Variants in KSR1 observed in about 807,000 individuals in gnomAD.
The protein encoded by KSR1 is kinase suppressor of ras.
In KSR1, 35 loss-of-function variants were observed where a neutral mutation model predicts 92.9. The ratio of observed to expected loss-of-function variants is 0.38; its 90% CI spans 0.29 to 0.50. The LOEUF is 0.50. Among genes scored for constraint, KSR1 ranks in the 20% least tolerant of loss-of-function variants. KSR1 has a pLI of 0.94. For synonymous variants in KSR1, 467 were observed against 472.6 expected (o/e 0.99, Z 0.15); for missense variants, 972 against 1,158.5 (o/e 0.84, Z 2.34).
intron 1 of KSR1, among the ~76,000 whole-genome samples, chr17:27,535,215 A>G (rs928751215): frequency 2.0e-5 from 3 of 152,168 alleles, no homozygotes; most frequent in Non-Finnish European, 4.4e-5. Flanking sequence ...AGCCTTGGCC[A>G]TGTGCCTTTA....
intron 10 of KSR1, 48 bp from the exon 11 acceptor site, chr17:27,601,311 CT>C: frequency 6.5e-7 from 1 of 1,545,402 alleles, no homozygotes; most frequent in Non-Finnish European, 8.9e-7. Context: ...CTCCTCCCTC[CT>C]GCGTTGGCCG....
chr17:27,545,801 G>T (rs1297240686), intron 1 of KSR1, among the ~76,000 whole-genome samples: 1 of 152,230 alleles, frequency 6.6e-6, no homozygotes, highest in Admixed American at 6.5e-5. Flanking sequence ...GTGCCTCAAA[G>T]CTGAAAAGGG....
rs374050273 is a variant in KSR1, at chr17:27,621,207, G to A, written c.2642G>A (p.Arg881His). 9 of 398,528 alleles carry A rather than the reference G, an allele frequency of 2.3e-5. No individual in the cohort carries two copies. The highest frequency in any genetic ancestry group is 2.5e-4 in the South Asian group (2 of 7,858). The allele number at this position is 398,528 out of a possible 1,614,324, so 24.7% of individuals were successfully genotyped here. ...GGCACTCCCAGTCGCTGGAGGAGCC[G>A]CTACTATGGAAAAGGACGCTACGGC... ...FWKSADRWRS[R>H]YYGKGRYGHP... Residue 881 changes from arginine (R) to histidine (H), a missense_variant, in exon 20 of 21, where the codon CGC becomes CAC. Physicochemically the swap from Arg to His is conservative, Grantham distance 29. Coordinates refer to ENST00000644974, the MANE Select transcript of KSR1 (RefSeq NM_001394583.1).
Position 27,478,629 on chromosome 17 carries a change from A to G in KSR1, c.231+21755A>G, listed in dbSNP as rs540388188. On this transcript the variant is annotated intron_variant, in intron 1 of 20. Transcript: ENST00000644974. ...GGGTTCCCATCCTGTCTGTGGCTTC[A>G]GAGTCCAGACCTAATGCCACCGACC... 5.4e-4 allele frequency among the ~76,000 whole-genome samples: 82 copies of G among 152,162 alleles called. 1 individual carries two copies. Among genetic ancestry groups the G allele is most frequent in the African/African-American group, 1.9e-3 (77 of 41,496 alleles).
At chr17:27,620,122 C>T (rs2074183861) in intron 19 of KSR1, among the ~76,000 whole-genome samples, 1 of 152,176 alleles carries the variant, frequency 6.6e-6, no homozygotes, top group African/African-American at 2.4e-5. Context: ...TGATTCAGGC[C>T]AGGTAGAGGG....
rs1414064575 is a variant in KSR1 at position 27,603,871 on chromosome 17, A to T, written c.1548A>T (p.Glu516Asp). ...SAFAHAAPLPEAADGTRLDDQ... is the reference protein window; with the variant it reads ...SAFAHAAPLPDAADGTRLDDQ... ...TTGCACACGCAGCCCCGCTCCCTGA[A>T]GCTGCCGACGGTACCCGGTAGGCAT... Residue 516 changes from glutamate (E) to aspartate (D), a missense_variant, in exon 12 of 21, where the codon GAA becomes GAT. Transcript: ENST00000644974. 1 of 1,613,962 alleles carries T rather than the reference A, an allele frequency of 6.2e-7. No homozygotes were observed. Among genetic ancestry groups the T allele is most frequent in the Non-Finnish European group, 8.5e-7 (1 of 1,179,866 alleles).
rs766900702 is a variant in KSR1, at chr17:27,583,103, G to A, written c.978G>A (p.Met326Ile). The A allele has an allele frequency of 1.2e-5, 18 of 1,547,012 alleles. 1 individual carries two copies. In the Middle Eastern group the frequency reaches 8.7e-4, roughly 75 times the overall value. Residue 326 changes from methionine (M) to isoleucine (I), a missense_variant and splice_region_variant, in exon 4 of 21, where the codon ATG becomes ATA. Met to Ile is a conservative substitution (Grantham distance 10, BLOSUM62 1). Around this residue, in one of 5 missense-constraint regions of KSR1, gnomAD observed 611 missense variants for 668.0 expected, o/e 0.91. Transcript: ENST00000644974. ...LGNRIDDVSSMRFDLSHGSPQ... is the reference protein window; with the variant it reads ...LGNRIDDVSSIRFDLSHGSPQ... ...ACCGCATTGATGACGTCTCCTCGAT[G>A]AGGTGAGTGCTCCTTCTGGGCAGCT...
At chr17:27,556,358 T>A (rs1252476823) in intron 2 of KSR1, among the ~76,000 whole-genome samples, 1 of 152,016 alleles carries the variant, frequency 6.6e-6, no homozygotes, top group Non-Finnish European at 1.5e-5. Context: ...GGACTGCAGA[T>A]GTGCGCACCA....
At chr17:27,526,281 C>T (rs182735229) in intron 1 of KSR1, 1 of 752,672 alleles carries the variant, frequency 1.3e-6, no homozygotes, top group African/African-American at 1.8e-5. Context: ...TACTACCACT[C>T]AAATTTTCCT....
At chr17:27,593,706 G>C (rs2073246078) in intron 9 of KSR1, among the ~76,000 whole-genome samples, 1 of 152,226 alleles carries the variant, frequency 6.6e-6, no homozygotes, top group African/African-American at 2.4e-5. Flanking sequence ...ACCCAGAATG[G>C]GGAGGCAGCG....
intron 2 of KSR1, among the ~76,000 whole-genome samples, chr17:27,567,173 GAAA>G (rs2072109348): frequency 6.6e-6 from 1 of 152,216 alleles, no homozygotes. Flanking sequence ...TGTGAAAAGG[GAAA>G]ATACTTCAAG....
chr17:27,621,932 G>A, intron 20 of KSR1: 1 of 1,613,826 alleles, frequency 6.2e-7, no homozygotes, highest in Non-Finnish European at 8.5e-7. Flanking sequence ...TCTGTAGGTT[G>A]TAGGCCTGGC....
intron 9 of KSR1, among the ~76,000 whole-genome samples, chr17:27,593,115 G>A (rs1477078462): frequency 6.6e-6 from 1 of 152,214 alleles, no homozygotes; most frequent in East Asian, 1.9e-4. Flanking sequence ...AGGCTTTGCT[G>A]CCCTCACAAG....
At chr17:27,486,866 G>C in intron 1 of KSR1, among the ~76,000 whole-genome samples, 1 of 152,216 alleles carries the variant, frequency 6.6e-6, no homozygotes, top group East Asian at 1.9e-4. Context: ...CCACTCACTT[G>C]CTGGGCAGCC....
At chr17:27,581,275 C>T (rs2004584) in intron 3 of KSR1, among the ~76,000 whole-genome samples, 26,276 of 152,022 alleles carry the variant, frequency 0.17, 2,557 homozygotes, top group Admixed American at 0.3. Flanking sequence ...TGAGAAACCA[C>T]GCCCATGATC....
chr17:27,549,157 CA>C (rs896277261), intron 1 of KSR1, among the ~76,000 whole-genome samples: 1 of 152,234 alleles, frequency 6.6e-6, no homozygotes, highest in African/African-American at 2.4e-5. Flanking sequence ...ATTAACACCA[CA>C]ACCATGAGGG....
chr17:27,554,812 G>T (rs2071531499), intron 2 of KSR1, among the ~76,000 whole-genome samples: 1 of 152,044 alleles, frequency 6.6e-6, no homozygotes, highest in Non-Finnish European at 1.5e-5. Context: ...AAAAGGTTGG[G>T]GACCACTGTT....
Position 27,519,964 on chromosome 17 carries a change from T to C in KSR1, c.232-30604T>C, listed in dbSNP as rs1030718466. On this transcript the variant is annotated intron_variant, in intron 1 of 20. Transcript: ENST00000644974. ...AATACTGAACCTGGCAGGGCTGCTG[T>C]TAGACCATGGGTACTCAGTGCAGCA... Among the ~76,000 whole-genome samples the C allele has an allele frequency of 4.6e-5, 7 of 152,296 alleles. No individual in the cohort carries two copies. In the East Asian group the frequency reaches 1.4e-3, roughly 29 times the overall value.
intron 11 of KSR1, among the ~76,000 whole-genome samples, chr17:27,601,608 G>T (rs1009327049): frequency 6.6e-6 from 1 of 152,192 alleles, no homozygotes; most frequent in African/African-American, 2.4e-5. Context: ...AGTTCTTGCT[G>T]GGAGGGACCC....
Sources: allele counts gnomAD v4.1 joint callset (sites outside exome capture counted in the v4.1 genomes callset), GRCh38; gene constraint gnomAD v4.1.1; regional missense constraint gnomAD v4.1.1; transcripts MANE v1.5; gene names NCBI Gene and HGNC (gene_info 2026-07-23, HGNC 2026-07-21).